PLCL1: variants seen among roughly 807,000 people sequenced by gnomAD.
PLCL1 encodes the protein inactive phospholipase C-like protein 1.
A neutral mutation model predicts 84.4 loss-of-function variants in PLCL1; 41 were observed. The observed-to-expected ratio is 0.49, with a 90% CI of 0.38 to 0.63. The LOEUF (loss-of-function observed/expected upper bound fraction) is 0.63, where lower values mean the gene tolerates loss of function less well. PLCL1 is among the 30% of genes least tolerant of loss of function. The pLI is 0.00. For missense variants in PLCL1, 1,206 were observed against 1,367.8 expected (o/e 0.88, Z 1.87); for synonymous variants, 490 against 488.3 (o/e 1.00, Z -0.05).
intron 1 of PLCL1, among the ~76,000 whole-genome samples, chr2:197,850,270 T>C (rs774670865): frequency 5.9e-5 from 9 of 152,240 alleles, no homozygotes; most frequent in Non-Finnish European, 1.3e-4. Context: ...TTCCTGTCTG[T>C]CTCACCCCAC....
chr2:197,967,689 A>G (rs1689772396), intron 1 of PLCL1, among the ~76,000 whole-genome samples: 1 of 152,230 alleles, frequency 6.6e-6, no homozygotes, highest in South Asian at 2.1e-4. Context: ...GTCATAAATG[A>G]AAAGGTAAGA....
chr2:197,968,929 C>G (rs1689801906), intron 1 of PLCL1, among the ~76,000 whole-genome samples: 1 of 152,144 alleles, frequency 6.6e-6, no homozygotes, highest in Non-Finnish European at 1.5e-5. Context: ...GTCCCCAACC[C>G]CCAGACCACG....
In PLCL1 at chr2:197,983,671, G is replaced by A. The variant is rs189251983; in HGVS notation, c.241-100087G>A. ...CACCGAAGATAGAAAGGAGATAAAA[G>A]TGTACTATCTCAAAAGGATCAAAGC... is the stretch of plus-strand genomic sequence containing the variant. On this transcript the variant is annotated intron_variant, in intron 1 of 5. Coordinates refer to ENST00000428675, the MANE Select transcript of PLCL1 (RefSeq NM_006226.4). Among the ~76,000 whole-genome samples, 190 of 152,330 alleles carry A rather than the reference G, an allele frequency of 1.2e-3. 2 individuals are homozygous for A. Among genetic ancestry groups the A allele is most frequent in the Non-Finnish European group, 1.0e-3 (68 of 68,036 alleles).
chr2:198,047,953 C>G (rs1162745301), intron 1 of PLCL1, among the ~76,000 whole-genome samples: 1 of 152,110 alleles, frequency 6.6e-6, no homozygotes, highest in Non-Finnish European at 1.5e-5. Context: ...GATTAAGAAC[C>G]TTCTGTAGTA....
At chr2:197,977,723 G>A (rs114952929) in intron 1 of PLCL1, among the ~76,000 whole-genome samples, 34 of 152,200 alleles carry the variant, frequency 2.2e-4, no homozygotes, top group African/African-American at 8.2e-4. Flanking sequence ...TGCCTCTAGT[G>A]GGTCCCTGAA....
At chr2:197,900,352 G>A (rs1396333309) in intron 1 of PLCL1, among the ~76,000 whole-genome samples, 1 of 152,146 alleles carries the variant, frequency 6.6e-6, no homozygotes, top group African/African-American at 2.4e-5. Flanking sequence ...GATCATGATT[G>A]TTTTCATAAG....
chr2:197,888,854 T>C (rs1388158818), intron 1 of PLCL1, among the ~76,000 whole-genome samples: 3 of 152,122 alleles, frequency 2.0e-5, no homozygotes, highest in Non-Finnish European at 4.4e-5. Context: ...GAATTAGAAA[T>C]AAAAGATATG....
chr2:197,971,494 A>T (rs1046789586), intron 1 of PLCL1, among the ~76,000 whole-genome samples: 1 of 152,240 alleles, frequency 6.6e-6, no homozygotes, highest in African/African-American at 2.4e-5. Flanking sequence ...GGAGTTATGG[A>T]CGGATGCATA....
intron 1 of PLCL1, among the ~76,000 whole-genome samples, chr2:197,840,956 A>G (rs1441897494): frequency 6.6e-6 from 1 of 152,206 alleles, no homozygotes; most frequent in Non-Finnish European, 1.5e-5. Flanking sequence ...AGTCAGAAAT[A>G]AAGTCCTGGA....
intron 1 of PLCL1, among the ~76,000 whole-genome samples, chr2:197,959,902 C>T (rs1689574657): frequency 6.6e-6 from 1 of 151,992 alleles, no homozygotes; most frequent in African/African-American, 2.4e-5. Flanking sequence ...CTGTGTGCTT[C>T]AGAGCTCTTG....
intron 1 of PLCL1, among the ~76,000 whole-genome samples, chr2:197,899,298 A>T (rs1157823798): frequency 6.6e-6 from 1 of 151,914 alleles, no homozygotes; most frequent in East Asian, 1.9e-4. Flanking sequence ...TAAGAATAAG[A>T]CTTTGGAGGA....
chr2:198,039,034 G>A (rs1442716020), intron 1 of PLCL1, among the ~76,000 whole-genome samples: 1 of 152,098 alleles, frequency 6.6e-6, no homozygotes, highest in East Asian at 1.9e-4. Context: ...TTACATTAGG[G>A]TGGTAATTGA....
chr2:198,054,269 T>C (rs1216451983), intron 1 of PLCL1, among the ~76,000 whole-genome samples: 1 of 152,226 alleles, frequency 6.6e-6, no homozygotes, highest in Non-Finnish European at 1.5e-5. Context: ...TTTGTTTAGA[T>C]GATCTGAACA....
intron 5 of PLCL1, among the ~76,000 whole-genome samples, chr2:198,116,991 A>T (rs1693762325): frequency 6.6e-6 from 1 of 151,902 alleles, no homozygotes; most frequent in Non-Finnish European, 1.5e-5. Flanking sequence ...TTGCAATTCA[A>T]ATCTCTCAGA....
At chr2:198,005,641 TA>T (rs1471386109) in intron 1 of PLCL1, among the ~76,000 whole-genome samples, 1 of 152,118 alleles carries the variant, frequency 6.6e-6, no homozygotes, top group Non-Finnish European at 1.5e-5. Flanking sequence ...CAGACTGCAA[TA>T]AAAAAGTATG....
intron 1 of PLCL1, among the ~76,000 whole-genome samples, chr2:197,935,111 G>A (rs1216055685): frequency 6.6e-6 from 1 of 152,064 alleles, no homozygotes; most frequent in African/African-American, 2.4e-5. Flanking sequence ...CAGAATGGCT[G>A]TTATGAAAAA....
chr2:197,832,741 C>T (rs1025068240), intron 1 of PLCL1, among the ~76,000 whole-genome samples: 14 of 152,264 alleles, frequency 9.2e-5, no homozygotes, highest in African/African-American at 3.1e-4. Flanking sequence ...AACATCAATG[C>T]GAAAATCCTC....
chr2:197,964,204 A>T (rs1369771330), intron 1 of PLCL1, among the ~76,000 whole-genome samples: 1 of 152,130 alleles, frequency 6.6e-6, no homozygotes, highest in African/African-American at 2.4e-5. Context: ...GAACGTTCTA[A>T]CAGTATTAAT....
At position 197,805,345 on chromosome 2, in the gene PLCL1, C is replaced by A; in HGVS notation, c.240+6C>A. The A allele has an allele frequency of 7.5e-7, 1 of 1,335,256 alleles. No homozygotes were observed. The highest frequency in any genetic ancestry group is 2.1e-4 in the Middle Eastern group (1 of 4,844). The allele number at this position is 1,335,256 out of a possible 1,614,324, so 82.7% of individuals were successfully genotyped here. The stretch of plus-strand genomic sequence containing the variant: ...GGCGCAGCAGCATCATCAAGGTAAG[C>A]AAAGCCGCGCCGCACCGGGAGCGTG... On this transcript the variant is annotated splice_donor_region_variant and intron_variant, in intron 1 of 5. Transcript: ENST00000428675. The surrounding 1 kb of genome is among the most constrained non-coding windows in gnomAD (Gnocchi z 4.0).
Sources: gnomAD v4.1 joint callset for allele counts (sites outside exome capture counted in the v4.1 genomes callset) on GRCh38, gnomAD v4.1.1 for gene constraint, Gnocchi (gnomAD v3.1) non-coding constraint, MANE v1.5 for transcripts, NCBI Gene and HGNC (gene_info 2026-07-23, HGNC 2026-07-21) for gene names.